The following IQCM variants were observed in gnomAD, a reference collection of about 807,000 sequenced individuals.
IQCM encodes the protein IQ domain-containing protein M.
A neutral mutation model predicts 57.6 loss-of-function variants in IQCM; 45 were observed. The observed-to-expected ratio is 0.78, with a 90% confidence interval of 0.62 to 1.00. The LOEUF is 1.00. Ranked by LOEUF, IQCM falls within the 50% of genes least tolerant of loss-of-function variation. The pLI, the probability that IQCM is intolerant of heterozygous loss-of-function variation, is 0.00. For synonymous variants in IQCM, 148 were observed against 158.9 expected (o/e 0.93, Z 0.51); for missense variants, 468 against 511.6 (o/e 0.91, Z 0.82).
intron 12 of IQCM, among the ~76,000 whole-genome samples, chr4:149,509,692 C>T (rs532842506): frequency 2.0e-5 from 3 of 152,108 alleles, no homozygotes; most frequent in East Asian, 1.9e-4. Flanking sequence ...TGTAAGGTAT[C>T]GAGACTTCCA....
chr4:149,592,322 A>T (rs1028271409), intron 8 of IQCM, among the ~76,000 whole-genome samples: 21 of 151,882 alleles, frequency 1.4e-4, no homozygotes, highest in Admixed American at 1.0e-3. Context: ...TTTTCTTGTA[A>T]ATTTGTTTAA....
intron 5 of IQCM, among the ~76,000 whole-genome samples, chr4:149,700,546 A>G (rs1232403029): frequency 6.6e-6 from 1 of 151,966 alleles, no homozygotes; most frequent in Non-Finnish European, 1.5e-5. Flanking sequence ...AGTGGTAACT[A>G]TCCTGTTGCA....
intron 12 of IQCM, among the ~76,000 whole-genome samples, chr4:149,477,547 C>A (rs1452784231): frequency 6.6e-6 from 1 of 152,174 alleles, no homozygotes; most frequent in Non-Finnish European, 1.5e-5. Context: ...CCTCACAGAG[C>A]TTACTGTCCG....
chr4:149,659,555 A>G (rs367871710), intron 7 of IQCM, among the ~76,000 whole-genome samples: 15 of 151,968 alleles, frequency 9.9e-5, no homozygotes, highest in African/African-American at 2.4e-4. Flanking sequence ...AAAGCTGGAG[A>G]CATCACACTA....
chr4:149,600,778 A>T (rs567617532), intron 8 of IQCM, among the ~76,000 whole-genome samples: 2 of 152,300 alleles, frequency 1.3e-5, no homozygotes, highest in Admixed American at 1.3e-4. Flanking sequence ...TCTGATTCCT[A>T]GAGACTCAGG....
intron 12 of IQCM, among the ~76,000 whole-genome samples, chr4:149,519,266 T>TA (rs1745333586): frequency 6.8e-6 from 1 of 147,162 alleles, no homozygotes; most frequent in East Asian, 2.2e-4. Context: ...AAAATTATTG[T>TA]AATTTTTTTG....
At chr4:149,395,014 A>G (rs905969319) in intron 13 of IQCM, among the ~76,000 whole-genome samples, 2 of 151,988 alleles carry the variant, frequency 1.3e-5, no homozygotes, top group African/African-American at 4.8e-5. Flanking sequence ...ACATCTTAGA[A>G]GGAGACTCCA....
intron 5 of IQCM, among the ~76,000 whole-genome samples, chr4:149,715,893 T>C (rs992118486): frequency 6.6e-5 from 10 of 152,302 alleles, no homozygotes; most frequent in Middle Eastern, 6.8e-3. Context: ...GTGGCTCTTA[T>C]CTGCAGATAG....
chr4:149,423,401 G>T (rs1027506555), intron 13 of IQCM, among the ~76,000 whole-genome samples: 2 of 151,966 alleles, frequency 1.3e-5, no homozygotes, highest in Non-Finnish European at 2.9e-5. Flanking sequence ...GGGATTACAG[G>T]TTCCTCCCAC....
At position 149,796,944 on chromosome 4, in the gene IQCM, A is replaced by C. The variant is rs78572729; in HGVS notation, c.-49+18367T>G. On this transcript the variant is annotated intron_variant, in intron 2 of 13. Coordinates refer to ENST00000636793, the MANE Select transcript of IQCM (RefSeq NM_001363507.2). ...CTAGAAAGTCTTCTAAGAAGGATAA[A>C]TACAAACAAGCCCAGACTGCAAAGA... Among the ~76,000 whole-genome samples the C allele has an allele frequency of 4.6e-3, 701 of 152,264 alleles. 6 individuals are homozygous for C. The highest frequency in any genetic ancestry group is 0.016 in the African/African-American group (670 of 41,554).
intron 2 of IQCM, among the ~76,000 whole-genome samples, chr4:149,789,736 A>G (rs138575711): frequency 2.0e-5 from 3 of 147,650 alleles, no homozygotes; most frequent in Non-Finnish European, 3.0e-5. Context: ...TCTCATCCCT[A>G]CTAATAATAC....
chr4:149,470,495 G>GCTT (rs1739400056), intron 12 of IQCM, among the ~76,000 whole-genome samples: 1 of 152,120 alleles, frequency 6.6e-6, no homozygotes, highest in Non-Finnish European at 1.5e-5. Flanking sequence ...GACCTAGAAA[G>GCTT]AGACTTAGAC....
intron 5 of IQCM, among the ~76,000 whole-genome samples, 182 bp from the exon 6 acceptor site, chr4:149,686,650 T>C (rs1762562359): frequency 6.6e-6 from 1 of 151,654 alleles, no homozygotes; most frequent in South Asian, 2.1e-4. Context: ...GCTACTCAGA[T>C]GCTTTGCAAT....
intron 13 of IQCM, 42 bp from the exon 14 acceptor site, chr4:149,352,108 T>G (rs766206867): frequency 2.5e-6 from 1 of 398,822 alleles, no homozygotes; most frequent in Non-Finnish European, 4.4e-6. Context: ...TATTTTCAAT[T>G]AATATGATAG....
intron 5 of IQCM, among the ~76,000 whole-genome samples, chr4:149,694,173 T>G (rs906566149): frequency 6.6e-6 from 1 of 152,020 alleles, no homozygotes; most frequent in African/African-American, 2.4e-5. Flanking sequence ...GTTACATAGA[T>G]TTTTCAGTAT....
chr4:149,634,281 T>C (rs1273366798), intron 7 of IQCM, among the ~76,000 whole-genome samples: 1 of 152,218 alleles, frequency 6.6e-6, no homozygotes, highest in Non-Finnish European at 1.5e-5. Flanking sequence ...AGTGAGCTTT[T>C]TCTTTTCAGT....
chr4:149,518,263 A>C (rs1745200822), intron 12 of IQCM, among the ~76,000 whole-genome samples: 1 of 152,210 alleles, frequency 6.6e-6, no homozygotes, highest in Non-Finnish European at 1.5e-5. Context: ...AAAATTTCAC[A>C]AGCCTCAATG....
At chr4:149,438,933 A>G (rs1735638855) in intron 12 of IQCM, among the ~76,000 whole-genome samples, 1 of 152,058 alleles carries the variant, frequency 6.6e-6, no homozygotes, top group African/African-American at 2.4e-5. Flanking sequence ...CTTAAACAAG[A>G]GTGAAAATGT....
At chr4:149,369,014 G>GTA (rs59034048) in intron 13 of IQCM, among the ~76,000 whole-genome samples, 9,354 of 53,758 alleles carry the variant, frequency 0.17, 2,342 homozygotes, top group Middle Eastern at 0.29. Flanking sequence ...ATATACACGT[G>GTA]TATATATATA....
Sources: gnomAD v4.1 joint callset for allele counts (sites outside exome capture counted in the v4.1 genomes callset) on GRCh38, gnomAD v4.1.1 for gene constraint, MANE v1.5 for transcripts, NCBI Gene and HGNC (gene_info 2026-07-23, HGNC 2026-07-21) for gene names.